NAV2: variants seen among roughly 807,000 people sequenced by gnomAD.
The protein encoded by NAV2 is neuron navigator 2.
In NAV2, 54 loss-of-function variants were observed where a neutral mutation model predicts 223.2. That is an observed-to-expected ratio of 0.24 (90% CI 0.19 to 0.30). NAV2 has a LOEUF of 0.30. Ranked by LOEUF, NAV2 falls within the 10% of genes least tolerant of loss-of-function variation. The pLI, the probability that NAV2 is intolerant of heterozygous loss-of-function variation, is 1.00. For synonymous variants in NAV2, 1,279 were observed against 1,239.3 expected, an observed-to-expected ratio of 1.03 and a Z score of -0.67; for missense variants, 2,806 against 3,147.5, an observed-to-expected ratio of 0.89 and a Z score of 2.60.
intron 20 of NAV2, among the ~76,000 whole-genome samples, chr11:20,064,980 C>T (rs1374652351): frequency 1.3e-5 from 2 of 152,124 alleles, no homozygotes; most frequent in East Asian, 1.9e-4. Context: ...CAAAGGCTCC[C>T]ATTTACTGTC....
intron 1 of NAV2, among the ~76,000 whole-genome samples, chr11:19,484,106 T>C (rs1342243432): frequency 7.0e-6 from 1 of 142,774 alleles, no homozygotes; most frequent in Non-Finnish European, 1.5e-5. Flanking sequence ...CTGCATGACC[T>C]TGGATTTGTG....
chr11:19,617,583 G>A (rs2046836685), intron 1 of NAV2, among the ~76,000 whole-genome samples: 1 of 152,224 alleles, frequency 6.6e-6, no homozygotes, highest in Non-Finnish European at 1.5e-5. Context: ...CAGGCAGTAA[G>A]TGCTATGAAG....
At chr11:19,562,252 G>A (rs138349473) in intron 1 of NAV2, among the ~76,000 whole-genome samples, 106 of 152,216 alleles carry the variant, frequency 7.0e-4, no homozygotes, top group Non-Finnish European at 1.5e-3. Context: ...ATAGAAAGAC[G>A]GCACCTGCCT....
intron 1 of NAV2, among the ~76,000 whole-genome samples, chr11:19,390,271 G>A (rs1472025247): frequency 6.6e-6 from 1 of 152,056 alleles, no homozygotes; most frequent in East Asian, 1.9e-4. Context: ...TTTCATGATG[G>A]ATAGTCCTGG....
chr11:20,015,262 G>C (rs186530812), intron 11 of NAV2, among the ~76,000 whole-genome samples: 8 of 152,246 alleles, frequency 5.3e-5, no homozygotes, highest in Admixed American at 3.9e-4. Context: ...ATTGCCATCT[G>C]CTGCTACTCC....
intron 20 of NAV2, among the ~76,000 whole-genome samples, chr11:20,065,830 G>A (rs142046134): frequency 2.0e-5 from 3 of 152,226 alleles, no homozygotes; most frequent in Non-Finnish European, 2.9e-5. Context: ...ATGTTAGATA[G>A]TGGTTACATT....
intron 1 of NAV2, among the ~76,000 whole-genome samples, chr11:19,522,457 C>G (rs1489448052): frequency 6.6e-6 from 1 of 152,190 alleles, no homozygotes; most frequent in Non-Finnish European, 1.5e-5. Flanking sequence ...CTTCAAGAGG[C>G]TCATAGTGTC....
In NAV2 at chr11:20,101,145, C is replaced by T; in HGVS notation, c.6390C>T (p.Thr2130=). The T allele has an allele frequency of 6.2e-7, 1 of 1,613,736 alleles. No individual in the cohort carries two copies. Among genetic ancestry groups the T allele is most frequent in the Non-Finnish European group, 8.5e-7 (1 of 1,179,674 alleles). The part of the protein sequence containing the change: ...GRELTDGVIA[T]FNVDHKSSKE... ...AGTTGACAGACGGGGTTATCGCCACCTTTAACGTGGACCATAAGTCCAGCA... is the reference window on the plus strand; with the variant it reads ...AGTTGACAGACGGGGTTATCGCCACTTTTAACGTGGACCATAAGTCCAGCA... Residue 2130 remains threonine, a synonymous_variant, in exon 32 of 38, where the codon ACC becomes ACT. Transcript: ENST00000349880.
At chr11:19,599,197 G>T (rs1325265653) in intron 1 of NAV2, among the ~76,000 whole-genome samples, 1 of 152,228 alleles carries the variant, frequency 6.6e-6, no homozygotes, top group Non-Finnish European at 1.5e-5. Flanking sequence ...GTCAAGGGAA[G>T]ATGTCACACT....
intron 1 of NAV2, among the ~76,000 whole-genome samples, chr11:19,412,677 C>T (rs1353808352): frequency 1.3e-5 from 2 of 152,166 alleles, no homozygotes; most frequent in African/African-American, 4.8e-5. Flanking sequence ...AAGAGAGCAC[C>T]AGCTGGCATC....
At chr11:19,608,236 G>T (rs147181262) in intron 1 of NAV2, among the ~76,000 whole-genome samples, 1 of 152,334 alleles carries the variant, frequency 6.6e-6, no homozygotes, top group East Asian at 1.9e-4. Context: ...ACGAACATAG[G>T]TGTGTTCATA....
intron 6 of NAV2, among the ~76,000 whole-genome samples, chr11:19,915,932 C>T (rs1198206512): frequency 1.3e-5 from 2 of 152,194 alleles, no homozygotes; most frequent in Non-Finnish European, 2.9e-5. Flanking sequence ...ACAGCTCAGA[C>T]TCTGGAGCCA....
chr11:19,682,196 T>C (rs922615788), intron 1 of NAV2, among the ~76,000 whole-genome samples: 1 of 152,082 alleles, frequency 6.6e-6, no homozygotes, highest in Non-Finnish European at 1.5e-5. Context: ...AGTGGGAATC[T>C]GGAGAGGGAG....
chr11:20,026,477 A>AT (rs1213807691), intron 11 of NAV2, among the ~76,000 whole-genome samples: 1 of 151,640 alleles, frequency 6.6e-6, no homozygotes, highest in East Asian at 1.9e-4. Flanking sequence ...TACCTGGCTA[A>AT]TTTTTTGTAT....
intron 1 of NAV2, among the ~76,000 whole-genome samples, chr11:19,606,865 T>C (rs539350821): frequency 1.3e-5 from 2 of 152,196 alleles, no homozygotes; most frequent in Non-Finnish European, 2.9e-5. Context: ...AGCATGGCCT[T>C]ACCTGAGATC....
At chr11:19,966,588 G>A (rs1182768429) in intron 10 of NAV2, among the ~76,000 whole-genome samples, 1 of 152,122 alleles carries the variant, frequency 6.6e-6, no homozygotes, top group Non-Finnish European at 1.5e-5. Flanking sequence ...CCTTGATACA[G>A]ACACCATGCT....
intron 1 of NAV2, among the ~76,000 whole-genome samples, chr11:19,387,459 A>G (rs1849086957): frequency 6.6e-6 from 1 of 152,158 alleles, no homozygotes; most frequent in South Asian, 2.1e-4. Context: ...TGGGTGGTGC[A>G]CGAGAGAAGA....
intron 6 of NAV2, among the ~76,000 whole-genome samples, chr11:19,930,693 G>T (rs373692329): frequency 5.2e-4 from 79 of 152,262 alleles, no homozygotes; most frequent in African/African-American, 1.9e-3. Context: ...AGAATGAATA[G>T]ATACATATGA....
At chr11:19,897,809 A>G (rs765666573) in intron 6 of NAV2, among the ~76,000 whole-genome samples, 1 of 150,590 alleles carries the variant, frequency 6.6e-6, no homozygotes. Flanking sequence ...CATTGCCATC[A>G]TGGTTAGATT....
Sources: allele counts gnomAD v4.1 joint callset (sites outside exome capture counted in the v4.1 genomes callset), GRCh38; gene constraint gnomAD v4.1.1; transcripts MANE v1.5; gene names NCBI Gene and HGNC (gene_info 2026-07-23, HGNC 2026-07-21).